Variants in IDO2 observed in about 807,000 individuals in gnomAD.
The protein encoded by IDO2 is indoleamine 2,3-dioxygenase 2, also known as indoleamine 2,3-dioxygenase-like 1 protein.
In IDO2, 46 loss-of-function variants were observed where a neutral mutation model predicts 45.1. The observed-to-expected ratio is 1.02, with a 90% CI of 0.80 to 1.30. IDO2 has a LOEUF of 1.30. Ranked by LOEUF, IDO2 falls within the 50% of genes most tolerant of loss-of-function variation. IDO2 has a pLI of 0.00. For missense variants in IDO2, 544 were observed against 491.8 expected (o/e 1.11, Z -1.00); for synonymous variants, 218 against 184.9 (o/e 1.18, Z -1.45).
intron 8 of IDO2, chr8:39,995,197 T>TCTCCTTCTC (rs71220809): frequency 1.6e-4 from 13 of 80,566 alleles, no homozygotes; most frequent in Admixed American, 3.8e-4. Context: ...TTCTTCTTCT[T>TCTCCTTCTC]CTTCTCCTTC....
intron 9 of IDO2, among the ~76,000 whole-genome samples, chr8:40,011,116 G>A: frequency 6.6e-6 from 1 of 152,102 alleles, no homozygotes; most frequent in East Asian, 1.9e-4. Context: ...TCACCATGTT[G>A]ACCAGGCTGG....
intron 8 of IDO2, chr8:39,998,585 G>GT (rs1802085504): frequency 1.4e-5 from 2 of 147,390 alleles, no homozygotes; most frequent in African/African-American, 5.0e-5. Flanking sequence ...TGTGAGCTCT[G>GT]TTTGCAGAAC....
intron 6 of IDO2, chr8:39,985,725 A>T (rs1171312572): frequency 1.8e-6 from 1 of 553,904 alleles, no homozygotes; most frequent in African/African-American, 1.9e-5. Context: ...TTGTATAGAT[A>T]AGGGATTTTT....
At chr8:39,963,660 C>T (rs1808033785) in exon 3 of IDO2, 1 of 1,612,330 alleles carries the variant, frequency 6.2e-7, no homozygotes. Context: ...AACAAACTTC[C>T]TCAATTGATT....
chr8:39,976,622 C>T (rs1045124185), intron 3 of IDO2, among the ~76,000 whole-genome samples: 11 of 152,070 alleles, frequency 7.2e-5, no homozygotes, highest in Non-Finnish European at 1.6e-4. Context: ...AACATGTTGC[C>T]CTGAATCATG....
At chr8:40,004,262 C>G (rs1346840464) in intron 8 of IDO2, among the ~76,000 whole-genome samples, 1 of 152,034 alleles carries the variant, frequency 6.6e-6, no homozygotes, top group African/African-American at 2.4e-5. Context: ...ACATGAGTCA[C>G]CCAGGCTCAT....
At chr8:39,963,663 A>G (rs1267661034) in exon 3 of IDO2, 1 of 1,612,426 alleles carries the variant, frequency 6.2e-7, no homozygotes, top group South Asian at 1.1e-5. Context: ...AAACTTCCTC[A>G]ATTGATTGAT....
At chr8:39,983,630 G>C (rs1247205930) in intron 5 of IDO2, among the ~76,000 whole-genome samples, 2 of 152,156 alleles carry the variant, frequency 1.3e-5, no homozygotes, top group African/African-American at 4.8e-5. Flanking sequence ...TTGGGAGGCT[G>C]AGGCAGGTGG....
intron 10 of IDO2, among the ~76,000 whole-genome samples, 196 bp from the exon 11 acceptor site, chr8:40,015,051 A>T (rs1048056487): frequency 1.3e-5 from 2 of 152,080 alleles, no homozygotes; most frequent in Non-Finnish European, 2.9e-5. Context: ...AGCTACTCAG[A>T]AGACTGAGGT....
chr8:39,969,950 C>G (rs1368645870), intron 3 of IDO2, among the ~76,000 whole-genome samples: 1 of 151,770 alleles, frequency 6.6e-6, no homozygotes, highest in Non-Finnish European at 1.5e-5. Context: ...ACCAGATAGG[C>G]TTAAAGCTGG....
rs1301450423 is a variant in IDO2 at position 40,005,322 on chromosome 8, T to C, written c.668-5T>C. 1 of 1,568,612 alleles carries C rather than the reference T, an allele frequency of 6.4e-7. No individual in the cohort carries two copies. Among genetic ancestry groups the C allele is most frequent in the Admixed American group, 1.7e-5 (1 of 57,704 alleles). On this transcript the variant is annotated splice_polypyrimidine_tract_variant and splice_region_variant and intron_variant, in intron 8 of 10. Transcript: ENST00000502986. ...GTAAAGTTCACATTTTGATTGCTTC[T>C]CCAGATTATGTAGATCCAGACATAT...
At chr8:39,982,190 C>T (rs1027617334) in intron 4 of IDO2, among the ~76,000 whole-genome samples, 1 of 151,450 alleles carries the variant, frequency 6.6e-6, no homozygotes, top group Admixed American at 6.6e-5. Context: ...GCTATCATCT[C>T]TCTATCATCT....
exon 10 of IDO2, chr8:40,013,601 G>A: frequency 6.2e-7 from 1 of 1,613,862 alleles, no homozygotes; most frequent in African/African-American, 1.3e-5. Context: ...CAGGGCTGAT[G>A]TATGAAGGAG....
intron 3 of IDO2, among the ~76,000 whole-genome samples, chr8:39,969,602 T>C (rs1808149422): frequency 6.6e-6 from 1 of 152,286 alleles, no homozygotes; most frequent in African/African-American, 2.4e-5. Flanking sequence ...AGGCTGGTCA[T>C]GGTGGCTCAG....
chr8:39,945,859 T>G (rs538570215), intron 1 of IDO2, among the ~76,000 whole-genome samples: 1 of 152,338 alleles, frequency 6.6e-6, no homozygotes, highest in East Asian at 1.9e-4. Flanking sequence ...GATTCCGTCT[T>G]GCTTCTAACC....
chr8:39,994,078 T>A (rs934928545), intron 8 of IDO2, among the ~76,000 whole-genome samples: 1 of 152,160 alleles, frequency 6.6e-6, no homozygotes, highest in Non-Finnish European at 1.5e-5. Context: ...ATAACTTGCA[T>A]AATATGAGTG....
At chr8:39,935,563 CCA>C (rs1807533065) in intron 1 of IDO2, among the ~76,000 whole-genome samples, 1 of 152,064 alleles carries the variant, frequency 6.6e-6, no homozygotes, top group South Asian at 2.1e-4. Context: ...AATTCTTCTG[CCA>C]CAGCCTTCCA....
intron 8 of IDO2, among the ~76,000 whole-genome samples, chr8:39,996,546 T>A (rs1327327884): frequency 6.6e-6 from 1 of 152,128 alleles, no homozygotes; most frequent in Non-Finnish European, 1.5e-5. Flanking sequence ...GGTCTCCGCA[T>A]CTTGGTGGTA....
chr8:39,951,364 T>C (rs1053621568), intron 2 of IDO2, among the ~76,000 whole-genome samples: 1 of 150,472 alleles, frequency 6.6e-6, no homozygotes, highest in Admixed American at 6.7e-5. Context: ...TGGACCGGAC[T>C]GTTTCCTCTG....
Sources: allele counts gnomAD v4.1 joint callset (sites outside exome capture counted in the v4.1 genomes callset), GRCh38; gene constraint gnomAD v4.1.1; transcripts MANE v1.5; gene names NCBI Gene and HGNC (gene_info 2026-07-23, HGNC 2026-07-21).